OSCP1: variants seen among roughly 807,000 people sequenced by gnomAD.
The protein encoded by OSCP1 is organic solute carrier partner 1.
Under a neutral mutation model 45.1 loss-of-function variants are expected in OSCP1, and 35 were observed. That is an observed-to-expected ratio of 0.78 (90% CI 0.59 to 1.03). OSCP1 has a LOEUF of 1.03. Ranked by LOEUF, OSCP1 falls within the 50% of genes least tolerant of loss-of-function variation. The pLI is 0.00. For synonymous variants in OSCP1, 179 were observed against 180.1 expected (o/e 0.99, Z 0.05); for missense variants, 400 against 470.7 (o/e 0.85, Z 1.39).
intron 5 of OSCP1, 23 bp downstream of exon 5, chr1:36,423,340 T>C: frequency 6.4e-7 from 1 of 1,559,846 alleles, no homozygotes; most frequent in Non-Finnish European, 8.8e-7. Context: ...CAAACATAGC[T>C]CTGATCATTG....
chr1:36,446,933 A>C (rs1396947750), intron 1 of OSCP1, among the ~76,000 whole-genome samples: 1 of 152,242 alleles, frequency 6.6e-6, no homozygotes, highest in Admixed American at 6.5e-5. Context: ...AACACTCGAT[A>C]GTTGCCTCAT....
chr1:36,419,081 T>G, intron 8 of OSCP1, 27 bp from the exon 9 acceptor site: 6 of 1,586,212 alleles, frequency 3.8e-6, no homozygotes, highest in Non-Finnish European at 5.2e-6. Flanking sequence ...AGAAAATGGG[T>G]GCAACATTAG....
At chr1:36,425,647 C>T (rs988211281) in intron 4 of OSCP1, among the ~76,000 whole-genome samples, 14 of 151,236 alleles carry the variant, frequency 9.3e-5, no homozygotes, top group Non-Finnish European at 1.9e-4. Flanking sequence ...GCAGGAGAAT[C>T]GCTTGAACCC....
intron 2 of OSCP1, among the ~76,000 whole-genome samples, chr1:36,433,700 T>C (rs970273124): frequency 6.6e-6 from 1 of 152,122 alleles, no homozygotes; most frequent in Non-Finnish European, 1.5e-5. Flanking sequence ...ATACACAATA[T>C]AATTTAGACT....
chr1:36,437,581 T>C (rs1425139003), intron 2 of OSCP1, among the ~76,000 whole-genome samples: 1 of 152,128 alleles, frequency 6.6e-6, no homozygotes, highest in African/African-American at 2.4e-5. Context: ...TGTAGTGGTG[T>C]GATCTCATCT....
Position 36,432,047 on chromosome 1 carries a change from C to T in OSCP1, c.436-165G>A, listed in dbSNP as rs372516874. Among the ~76,000 whole-genome samples, 9 of 152,136 alleles carry T rather than the reference C, an allele frequency of 5.9e-5. No individual in the cohort carries two copies. In the East Asian group the frequency reaches 7.7e-4, roughly 13 times the overall value. On this transcript the variant is annotated intron_variant, in intron 3 of 9. Coordinates refer to ENST00000235532, the MANE Select transcript of OSCP1 (RefSeq NM_145047.5). ...GGAGACCAGCAGTGCTGCCTCTCCA[C>T]GGTGACAAAGCCTGTTACCCCACAC...
intron 2 of OSCP1, among the ~76,000 whole-genome samples, chr1:36,438,043 C>A (rs185982283): frequency 1.3e-5 from 2 of 151,840 alleles, no homozygotes; most frequent in Non-Finnish European, 2.9e-5. Context: ...TGTGGCCAGG[C>A]GCGGTGGCTC....
At chr1:36,422,044 G>A (rs1050512600) in intron 7 of OSCP1, 106 bp downstream of exon 7, 2 of 1,083,108 alleles carry the variant, frequency 1.8e-6, no homozygotes. Flanking sequence ...CACAACAGGG[G>A]AAATGTTGGC....
At chr1:36,429,729 G>A (rs35956407) in intron 4 of OSCP1, among the ~76,000 whole-genome samples, 3 of 151,080 alleles carry the variant, frequency 2.0e-5, no homozygotes, top group Non-Finnish European at 4.4e-5. Flanking sequence ...CGAGGCTTCA[G>A]AAATGTGTTT....
intron 4 of OSCP1, among the ~76,000 whole-genome samples, chr1:36,429,749 T>A (rs183292603): frequency 1.1e-3 from 169 of 151,572 alleles, no homozygotes; most frequent in African/African-American, 3.9e-3. Context: ...TTTATTTTAT[T>A]TTTATTTATT....
intron 1 of OSCP1, chr1:36,444,052 A>G: frequency 1.2e-6 from 2 of 1,610,840 alleles, no homozygotes. Flanking sequence ...AGCATACAAA[A>G]AGAAAACACC....
chr1:36,432,640 G>C, intron 2 of OSCP1, 51 bp from the exon 3 acceptor site: 1 of 1,606,906 alleles, frequency 6.2e-7, no homozygotes, highest in Non-Finnish European at 8.5e-7. Context: ...AAAATCAGGT[G>C]TGAGAATCTC....
At chr1:36,428,225 G>T in intron 4 of OSCP1, 3 of 1,269,666 alleles carry the variant, frequency 2.4e-6, no homozygotes, top group Non-Finnish European at 2.1e-6. Context: ...GAAAAATTTG[G>T]CATCAGAATT....
chr1:36,419,324 G>C, intron 8 of OSCP1: 1 of 474,570 alleles, frequency 2.1e-6, no homozygotes, highest in African/African-American at 1.9e-5. Flanking sequence ...TCAAATGCCA[G>C]CTCCTTCAAT....
intron 1 of OSCP1, among the ~76,000 whole-genome samples, chr1:36,439,604 TG>T (rs1172140044): frequency 6.6e-6 from 1 of 152,216 alleles, no homozygotes; most frequent in Admixed American, 6.5e-5. Flanking sequence ...GGACCAACAA[TG>T]GTAATTGACT....
intron 1 of OSCP1, among the ~76,000 whole-genome samples, chr1:36,441,529 A>C (rs1356108766): frequency 6.6e-6 from 1 of 151,756 alleles, no homozygotes; most frequent in Non-Finnish European, 1.5e-5. Flanking sequence ...CGGGCGGATC[A>C]CGAAGTCAGG....
At chr1:36,418,568 G>A in intron 9 of OSCP1, 1 of 385,786 alleles carries the variant, frequency 2.6e-6, no homozygotes. Flanking sequence ...ATTGTAGTCT[G>A]AATCCTGCTT....
intron 2 of OSCP1, among the ~76,000 whole-genome samples, chr1:36,434,328 T>G (rs1648569362): frequency 6.6e-6 from 1 of 152,232 alleles, no homozygotes; most frequent in Non-Finnish European, 1.5e-5. Flanking sequence ...AATTTCATAT[T>G]GCTGGTAAGT....
rs531012975 is a variant in OSCP1, at chr1:36,422,174, T to C, written c.795A>G (p.Ser265=). The C allele has an allele frequency of 1.2e-6, 2 of 1,614,180 alleles. No individual in the cohort carries two copies. The highest frequency in any genetic ancestry group is 2.2e-5 in the South Asian group (2 of 91,088). ...CCTGGGTCCATGAGGCTAAGTTCTTTGATGATCCAGACACATGAGTTTCCA... is the reference window on the plus strand; with the variant it reads ...CCTGGGTCCATGAGGCTAAGTTCTTCGATGATCCAGACACATGAGTTTCCA... ...QPVETHVSGS[S]KNLASWTQES... Residue 265 remains serine, a synonymous_variant, in exon 7 of 10, where the codon TCA becomes TCG. Coordinates refer to ENST00000235532, the MANE Select transcript of OSCP1 (RefSeq NM_145047.5).
Sources: allele counts gnomAD v4.1 joint callset (sites outside exome capture counted in the v4.1 genomes callset), GRCh38; gene constraint gnomAD v4.1.1; transcripts MANE v1.5; gene names NCBI Gene and HGNC (gene_info 2026-07-23, HGNC 2026-07-21).